Variants in PSD3 observed in about 807,000 individuals in gnomAD.
PSD3 encodes pleckstrin and Sec7 domain containing 3.
Under a neutral mutation model 105.5 loss-of-function variants are expected in PSD3, and 49 were observed. The observed-to-expected ratio is 0.46, with a 90% CI of 0.37 to 0.59. PSD3 has a LOEUF of 0.59. PSD3 is among the 20% of genes least tolerant of loss of function. PSD3 has a pLI of 0.00. For synonymous variants in PSD3, 557 were observed against 457.8 expected (o/e 1.22, Z -2.77); for missense variants, 1,561 against 1,263.8 (o/e 1.24, Z -3.57).
intron 9 of PSD3, chr8:18,763,132 C>T (rs1806679740): frequency 4.5e-6 from 2 of 446,520 alleles, no homozygotes; most frequent in Admixed American, 4.8e-5. Flanking sequence ...GAAATCTGAA[C>T]AGACATAAAT....
At chr8:18,786,275 G>C (rs192791925) in intron 8 of PSD3, among the ~76,000 whole-genome samples, 11 of 152,248 alleles carry the variant, frequency 7.2e-5, no homozygotes, top group African/African-American at 2.4e-4. Flanking sequence ...GGAGATTCAT[G>C]AACAAGATAT....
At position 18,659,897 on chromosome 8, in the gene PSD3, G is replaced by C. The variant is rs1163651128; in HGVS notation, c.2173-4212C>G. Among the ~76,000 whole-genome samples, 3 of 152,288 alleles carry C rather than the reference G, an allele frequency of 2.0e-5. No individual in the cohort carries two copies. The East Asian group carries it at 5.8e-4, about 29-fold the overall frequency. On this transcript the variant is annotated intron_variant, in intron 9 of 15. Coordinates refer to ENST00000327040, the MANE Select transcript of PSD3 (RefSeq NM_015310.4). ...GGTTATCTGGCCTAGCTGCAAGAGG[G>C]CAGGGTTTGGGGAGAAACATTGCTA...
chr8:18,658,479 T>C (rs1809062829), intron 9 of PSD3, among the ~76,000 whole-genome samples: 1 of 152,124 alleles, frequency 6.6e-6, no homozygotes, highest in Non-Finnish European at 1.5e-5. Flanking sequence ...TCGATTTCTT[T>C]GTTCTGCTGT....
chr8:18,834,669 A>T (rs1391269493), intron 4 of PSD3, among the ~76,000 whole-genome samples: 1 of 152,212 alleles, frequency 6.6e-6, no homozygotes, highest in African/African-American at 2.4e-5. Flanking sequence ...GTAGGGGCTG[A>T]ACTAAGTGGC....
chr8:19,037,659 A>G (rs939272375), intron 1 of PSD3, among the ~76,000 whole-genome samples: 3 of 152,158 alleles, frequency 2.0e-5, no homozygotes, highest in East Asian at 1.9e-4. Flanking sequence ...AGTGAGTTCC[A>G]TCTCTATTTA....
intron 1 of PSD3, among the ~76,000 whole-genome samples, chr8:19,065,173 C>A (rs1829035698): frequency 1.3e-5 from 2 of 152,152 alleles, no homozygotes; most frequent in African/African-American, 4.8e-5. Flanking sequence ...CTGCTTTCTT[C>A]CATCTTTTTC....
intron 14 of PSD3, among the ~76,000 whole-genome samples, chr8:18,560,229 G>GCAA (rs775791430): frequency 1.4e-5 from 2 of 145,702 alleles, no homozygotes; most frequent in Non-Finnish European, 3.0e-5. Context: ...AACAACAACA[G>GCAA]CAACAACAAC....
intron 2 of PSD3, among the ~76,000 whole-genome samples, chr8:18,902,614 G>A (rs1302491787): frequency 6.6e-6 from 1 of 151,858 alleles, no homozygotes; most frequent in African/African-American, 2.4e-5. Flanking sequence ...GTGTGTTGAT[G>A]TCTGGTGGAA....
chr8:18,645,911 T>C (rs577259206), intron 10 of PSD3, among the ~76,000 whole-genome samples: 2 of 152,154 alleles, frequency 1.3e-5, no homozygotes, highest in South Asian at 2.1e-4. Context: ...TCTCTACCTA[T>C]GACCCTAAAT....
At chr8:18,792,801 T>C (rs1429879255) in intron 8 of PSD3, among the ~76,000 whole-genome samples, 1 of 152,158 alleles carries the variant, frequency 6.6e-6, no homozygotes, top group Non-Finnish European at 1.5e-5. Flanking sequence ...AGAAATACCA[T>C]TTGACCCAGC....
At chr8:18,767,159 G>C (rs911550768) in intron 8 of PSD3, among the ~76,000 whole-genome samples, 1 of 152,150 alleles carries the variant, frequency 6.6e-6, no homozygotes, top group African/African-American at 2.4e-5. Context: ...GGACAATAAA[G>C]TTTAACAAAA....
chr8:18,950,060 G>A (rs1484110989), intron 1 of PSD3, among the ~76,000 whole-genome samples: 2 of 152,148 alleles, frequency 1.3e-5, no homozygotes, highest in African/African-American at 2.4e-5. Context: ...TCTGAGGGCA[G>A]TCAATAGGTG....
At chr8:18,708,787 T>C (rs1802056249) in intron 9 of PSD3, among the ~76,000 whole-genome samples, 1 of 150,502 alleles carries the variant, frequency 6.6e-6, no homozygotes, top group Non-Finnish European at 1.5e-5. Flanking sequence ...GGGATCCGGA[T>C]TATCTCACTG....
intron 1 of PSD3, among the ~76,000 whole-genome samples, chr8:18,937,467 T>C (rs1335936343): frequency 1.3e-5 from 2 of 152,192 alleles, no homozygotes; most frequent in Non-Finnish European, 2.9e-5. Flanking sequence ...GGAGTAGAAA[T>C]GACTGACAAT....
At chr8:18,565,126 T>C (rs1172734670) in intron 14 of PSD3, among the ~76,000 whole-genome samples, 1 of 152,066 alleles carries the variant, frequency 6.6e-6, no homozygotes, top group Non-Finnish European at 1.5e-5. Context: ...AACACACATG[T>C]GTCCCTGAGC....
At chr8:19,025,004 T>C (rs1827497265) in intron 1 of PSD3, among the ~76,000 whole-genome samples, 1 of 152,126 alleles carries the variant, frequency 6.6e-6, no homozygotes, top group Non-Finnish European at 1.5e-5. Flanking sequence ...AGGATAGTCA[T>C]AGCAGAACAG....
At chr8:18,779,230 T>G (rs537494119) in intron 8 of PSD3, among the ~76,000 whole-genome samples, 7 of 152,332 alleles carry the variant, frequency 4.6e-5, no homozygotes, top group African/African-American at 1.7e-4. Context: ...GGTTCCAATT[T>G]GTTCAGACAG....
intron 4 of PSD3, chr8:18,865,260 ATATATATATATATATATATATATATAT>A (rs1816791412): frequency 4.6e-3 from 17 of 3,686 alleles, no homozygotes; most frequent in African/African-American, 7.3e-3. Flanking sequence ...ATATATATAT[ATATATATATATATATATATATATATAT>A]TTTTTTTTTT....
chr8:18,916,774 T>C (rs1820638461), intron 2 of PSD3, among the ~76,000 whole-genome samples: 1 of 152,144 alleles, frequency 6.6e-6, no homozygotes, highest in Non-Finnish European at 1.5e-5. Flanking sequence ...AAGAATATGT[T>C]AATTAATTTA....
Sources: gnomAD v4.1 joint callset for allele counts (sites outside exome capture counted in the v4.1 genomes callset) on GRCh38, gnomAD v4.1.1 for gene constraint, MANE v1.5 for transcripts, NCBI Gene and HGNC (gene_info 2026-07-23, HGNC 2026-07-21) for gene names.